The following ENOX2 variants were observed in gnomAD, a reference collection of about 807,000 sequenced individuals.
ENOX2 encodes APK1 antigen.
In ENOX2, 36 loss-of-function variants were observed where a neutral mutation model predicts 45.0. That is an observed-to-expected ratio of 0.80 (90% confidence interval 0.61 to 1.06). The LOEUF (loss-of-function observed/expected upper bound fraction) is 1.06. ENOX2 is among the 50% of genes least tolerant of loss of function. The pLI, the probability that ENOX2 is intolerant of heterozygous loss-of-function variation, is 0.00. For missense variants in ENOX2, 423 were observed against 462.5 expected, an observed-to-expected ratio of 0.91 and a Z score of 0.78; for synonymous variants, 174 against 152.3, an observed-to-expected ratio of 1.14 and a Z score of -1.05.
chrX:130,627,441 C>A (rs2035576212), intron 14 of ENOX2, among the ~76,000 whole-genome samples: 1 of 110,622 alleles, frequency 9.0e-6, no homozygotes. Flanking sequence ...ATTAGCCAGG[C>A]ATGGTGGCAT....
At chrX:130,833,379 T>TA (rs772505291) in intron 2 of ENOX2, among the ~76,000 whole-genome samples, 2 of 111,190 alleles carry the variant, frequency 1.8e-5, no homozygotes, top group Non-Finnish European at 3.8e-5. Context: ...ATTCAATAAA[T>TA]ATTTATTGAG....
chrX:130,766,893 T>C (rs929203597), intron 3 of ENOX2, among the ~76,000 whole-genome samples: 1 of 112,127 alleles, frequency 8.9e-6, no homozygotes, highest in Non-Finnish European at 1.9e-5. Flanking sequence ...ATTTTACAGA[T>C]TTAGAAAATG....
intron 2 of ENOX2, among the ~76,000 whole-genome samples, chrX:130,793,595 G>A (rs979160674): frequency 1.8e-5 from 2 of 111,702 alleles, no homozygotes; most frequent in Non-Finnish European, 3.8e-5. Flanking sequence ...ACTACAGCTG[G>A]ACTAGAGAGA....
chrX:130,746,766 T>C (rs1428618306), intron 3 of ENOX2, among the ~76,000 whole-genome samples: 1 of 111,696 alleles, frequency 9.0e-6, no homozygotes, highest in Admixed American at 9.5e-5. Flanking sequence ...GATGGGAAGA[T>C]GATTACATTT....
intron 10 of ENOX2, among the ~76,000 whole-genome samples, chrX:130,650,973 T>C (rs895396042): frequency 8.9e-6 from 1 of 112,028 alleles, no homozygotes; most frequent in Non-Finnish European, 1.9e-5. Context: ...AAAGCTTAAT[T>C]ACAGGAGATG....
At chrX:130,895,024 C>A (rs941979251) in intron 2 of ENOX2, among the ~76,000 whole-genome samples, 14 of 111,745 alleles carry the variant, frequency 1.3e-4, no homozygotes, top group Non-Finnish European at 2.3e-4. Flanking sequence ...ATTCCCAGAA[C>A]ACCTTCTCTC....
chrX:130,846,360 G>A (rs1449802615), intron 2 of ENOX2, among the ~76,000 whole-genome samples: 6 of 105,381 alleles, frequency 5.7e-5, no homozygotes, highest in Non-Finnish European at 9.7e-5. Context: ...TTTTTGAGAC[G>A]AAGTTTCCTT....
chrX:130,754,632 A>C (rs1233198132), intron 3 of ENOX2, among the ~76,000 whole-genome samples: 1 of 111,687 alleles, frequency 9.0e-6, no homozygotes. Flanking sequence ...CAATTAATGC[A>C]GAAATAGAAA....
chrX:130,682,018 C>T (rs953264035), intron 5 of ENOX2, among the ~76,000 whole-genome samples: 3 of 104,614 alleles, frequency 2.9e-5, no homozygotes, highest in African/African-American at 1.1e-4. Flanking sequence ...GAACACAACC[C>T]CCCCCCCCAC....
chrX:130,865,074 C>T (rs1320143047), intron 2 of ENOX2, among the ~76,000 whole-genome samples: 1 of 102,520 alleles, frequency 9.8e-6, no homozygotes, highest in Admixed American at 1.1e-4. Context: ...TTAACGAATA[C>T]ACTGGTCTTC....
chrX:130,797,619 G>T (rs2077153208), intron 2 of ENOX2, among the ~76,000 whole-genome samples: 1 of 111,424 alleles, frequency 9.0e-6, no homozygotes, highest in East Asian at 2.8e-4. Context: ...TGAGATGATG[G>T]GGGAAGGAGA....
intron 3 of ENOX2, among the ~76,000 whole-genome samples, chrX:130,715,256 T>C (rs2038296613): frequency 8.9e-6 from 1 of 111,758 alleles, no homozygotes; most frequent in African/African-American, 3.3e-5. Flanking sequence ...CTGGCCATGA[T>C]GACTATAAAT....
At chrX:130,816,245 C>A (rs2077484227) in intron 2 of ENOX2, among the ~76,000 whole-genome samples, 1 of 111,546 alleles carries the variant, frequency 9.0e-6, no homozygotes, top group Non-Finnish European at 1.9e-5. Context: ...GCACCCAATT[C>A]AGGAGCACCC....
chrX:130,710,812 C>T (rs929606263), intron 3 of ENOX2, among the ~76,000 whole-genome samples: 2 of 111,671 alleles, frequency 1.8e-5, no homozygotes, highest in African/African-American at 3.3e-5. Flanking sequence ...AATCTATTAA[C>T]GCTTTCAGCA....
At chrX:130,773,735 T>C (rs747712439) in intron 3 of ENOX2, among the ~76,000 whole-genome samples, 1 of 112,289 alleles carries the variant, frequency 8.9e-6, no homozygotes, top group East Asian at 2.8e-4. Context: ...ACAAAACAGC[T>C]TGAACACTAA....
At chrX:130,901,791 GAAT>G (rs1222686080) in intron 1 of ENOX2, 60 bp from the exon 2 acceptor site, 1 of 112,109 alleles carries the variant, frequency 8.9e-6, no homozygotes, top group Non-Finnish European at 1.9e-5. Context: ...ATTTGATACA[GAAT>G]AATATCCAAA....
rs1197377241 is a variant in ENOX2, at chrX:130,623,109, A to G, written c.*2205T>C. On this transcript the variant is annotated 3_prime_UTR_variant, in exon 15 of 15. Coordinates refer to ENST00000394363, the MANE Select transcript of ENOX2 (RefSeq NM_006375.4). ...AATCACATTTAAAATATACCTTCAC[A>G]GCAATATCTAGACTGGTGTTTGACC... 9.0e-6 allele frequency among the ~76,000 whole-genome samples: 1 copy of G among 111,672 alleles called. No individual in the cohort carries two copies. Among genetic ancestry groups the G allele is most frequent in the Non-Finnish European group, 1.9e-5 (1 of 53,211 alleles).
At chrX:130,732,779 G>T (rs1381004602) in intron 3 of ENOX2, among the ~76,000 whole-genome samples, 1 of 110,986 alleles carries the variant, frequency 9.0e-6, no homozygotes, top group African/African-American at 3.3e-5. Flanking sequence ...AACAGGGAAA[G>T]TACAGTCTCT....
chrX:130,760,588 C>T (rs2148351289), intron 3 of ENOX2, among the ~76,000 whole-genome samples: 1 of 108,104 alleles, frequency 9.3e-6, no homozygotes, highest in South Asian at 4.2e-4. Flanking sequence ...GAGTTCGAGA[C>T]CATCCTGGCC....
Sources: allele counts gnomAD v4.1 joint callset (sites outside exome capture counted in the v4.1 genomes callset), GRCh38; gene constraint gnomAD v4.1.1; transcripts MANE v1.5; gene names NCBI Gene and HGNC (gene_info 2026-07-23, HGNC 2026-07-21).